IL1RAPL2: variants seen among roughly 807,000 people sequenced by gnomAD.
IL1RAPL2 encodes the protein X-linked interleukin-1 receptor accessory protein-like 2.
A neutral mutation model predicts 44.1 loss-of-function variants in IL1RAPL2; 3 were observed. The observed-to-expected ratio is 0.07, with a 90% CI of 0.03 to 0.18. The LOEUF is 0.18. Ranked by LOEUF, IL1RAPL2 falls within the 10% of genes least tolerant of loss-of-function variation. IL1RAPL2 has a pLI of 1.00. For synonymous variants in IL1RAPL2, 181 were observed against 178.8 expected, an observed-to-expected ratio of 1.01 and a Z score of -0.10; for missense variants, 391 against 496.4, an observed-to-expected ratio of 0.79 and a Z score of 2.02.
At chrX:105,372,706 C>T (rs940388786) in intron 5 of IL1RAPL2, among the ~76,000 whole-genome samples, 8 of 111,404 alleles carry the variant, frequency 7.2e-5, no homozygotes, top group Non-Finnish European at 1.3e-4. Context: ...TATTTAGCTC[C>T]CACTTATAAG....
rs1491419366 is a variant in IL1RAPL2 at position 105,363,308 on chromosome X, A to ATAT, written c.697+95767_697+95768insTAT. Reference sequence around the variant, plus strand: ...ATATATAATATATATATATATATATAATATATATATATATATATATATTCT... The same window carrying ATAT: ...ATATATAATATATATATATATATATATATATATATATATATATATATATATTCT... On this transcript the variant is annotated intron_variant, in intron 5 of 10. Coordinates refer to ENST00000372582, the MANE Select transcript of IL1RAPL2 (RefSeq NM_017416.2). Among the ~76,000 whole-genome samples the ATAT allele has an allele frequency of 8.0e-4, 55 of 68,550 alleles. 1 individual carries two copies. Among genetic ancestry groups the ATAT allele is most frequent in the African/African-American group, 5.1e-3 (40 of 7,818 alleles). 59.5% of individuals were successfully genotyped at this position (68,550 alleles called of 115,157 possible). A position where few individuals can be genotyped will look rare whatever the true frequency, so the allele number is the denominator to read the frequency against.
intron 6 of IL1RAPL2, among the ~76,000 whole-genome samples, chrX:105,521,158 A>G (rs1408839812): frequency 9.9e-6 from 1 of 101,187 alleles, no homozygotes; most frequent in Non-Finnish European, 2.0e-5. Context: ...GTGAACCAGG[A>G]TGGTCACGAT....
intron 5 of IL1RAPL2, among the ~76,000 whole-genome samples, chrX:105,276,570 T>C (rs1445007473): frequency 6.2e-5 from 7 of 112,326 alleles, no homozygotes; most frequent in Non-Finnish European, 1.3e-4. Context: ...CATGTGAGAT[T>C]GAGAATCCAA....
chrX:105,277,286 A>G (rs1266541544), intron 5 of IL1RAPL2, among the ~76,000 whole-genome samples: 1 of 112,423 alleles, frequency 8.9e-6, no homozygotes, highest in Non-Finnish European at 1.9e-5. Context: ...ACAGCAGTCA[A>G]TAGTTCTTGG....
chrX:104,916,476 G>T (rs879150259), intron 2 of IL1RAPL2, among the ~76,000 whole-genome samples: 2 of 111,314 alleles, frequency 1.8e-5, no homozygotes, highest in African/African-American at 6.5e-5. Context: ...GGGCTGAGAC[G>T]ATGGGGTTTT....
chrX:105,103,950 A>G (rs1372605724), intron 2 of IL1RAPL2, among the ~76,000 whole-genome samples: 1 of 112,194 alleles, frequency 8.9e-6, no homozygotes, highest in Non-Finnish European at 1.9e-5. Flanking sequence ...CGCCTGGGTA[A>G]AAGTCTACCC....
chrX:104,849,804 G>A (rs1175892510), intron 2 of IL1RAPL2, among the ~76,000 whole-genome samples: 1 of 110,902 alleles, frequency 9.0e-6, no homozygotes, highest in East Asian at 2.8e-4. Flanking sequence ...CTTAAGTCAT[G>A]TGAACTAAAA....
At chrX:104,919,941 T>C (rs1924584961) in intron 2 of IL1RAPL2, among the ~76,000 whole-genome samples, 1 of 111,007 alleles carries the variant, frequency 9.0e-6, no homozygotes, top group African/African-American at 3.3e-5. Flanking sequence ...CTGTTTTGTG[T>C]GACTTGTATG....
intron 2 of IL1RAPL2, among the ~76,000 whole-genome samples, chrX:104,941,478 T>A (rs899022216): frequency 1.8e-5 from 2 of 112,205 alleles, no homozygotes; most frequent in African/African-American, 6.5e-5. Flanking sequence ...TTTTCATGTG[T>A]CTGTTGGCTG....
At chrX:104,657,047 C>G (rs371745987) in intron 1 of IL1RAPL2, among the ~76,000 whole-genome samples, 3 of 110,857 alleles carry the variant, frequency 2.7e-5, no homozygotes, top group African/African-American at 9.9e-5. Context: ...TCCTCCATCC[C>G]TTTATTTTGA....
intron 2 of IL1RAPL2, among the ~76,000 whole-genome samples, chrX:104,699,048 G>A (rs1313430610): frequency 9.0e-6 from 1 of 110,635 alleles, no homozygotes; most frequent in Non-Finnish European, 1.9e-5. Flanking sequence ...GGGAAGTTGT[G>A]CTCCATGCAG....
At chrX:105,575,715 T>A (rs1402332147) in intron 6 of IL1RAPL2, among the ~76,000 whole-genome samples, 1 of 112,600 alleles carries the variant, frequency 8.9e-6, no homozygotes, top group Non-Finnish European at 1.9e-5. Flanking sequence ...GGTGGAATGG[T>A]AGTTCTATTT....
At chrX:105,447,552 A>AATAT (rs1234228225) in intron 5 of IL1RAPL2, among the ~76,000 whole-genome samples, 5 of 75,755 alleles carry the variant, frequency 6.6e-5, no homozygotes, top group Non-Finnish European at 1.1e-4. Context: ...TATAAATATA[A>AATAT]ATAAATATAA....
At chrX:105,113,532 T>C (rs1685254590) in intron 2 of IL1RAPL2, among the ~76,000 whole-genome samples, 1 of 112,183 alleles carries the variant, frequency 8.9e-6, no homozygotes, top group Admixed American at 9.4e-5. Context: ...AATGAGATTC[T>C]TTATGTTGTC....
intron 2 of IL1RAPL2, among the ~76,000 whole-genome samples, chrX:105,095,529 T>G (rs1440110419): frequency 9.0e-6 from 1 of 111,597 alleles, no homozygotes; most frequent in East Asian, 2.8e-4. Context: ...GAATTGAGAG[T>G]GCAGAAATAA....
intron 3 of IL1RAPL2, among the ~76,000 whole-genome samples, chrX:105,200,296 T>A: frequency 8.9e-6 from 1 of 112,229 alleles, no homozygotes; most frequent in Non-Finnish European, 1.9e-5. Flanking sequence ...GACCTTTCAG[T>A]GGCCACTTGG....
At chrX:105,437,568 T>C (rs972572423) in intron 5 of IL1RAPL2, among the ~76,000 whole-genome samples, 12 of 111,712 alleles carry the variant, frequency 1.1e-4, no homozygotes, top group Non-Finnish European at 2.3e-4. Context: ...CCTAATTGTA[T>C]TTATTTTTTT....
chrX:105,239,162 C>G (rs2034147687), intron 4 of IL1RAPL2, among the ~76,000 whole-genome samples: 1 of 111,982 alleles, frequency 8.9e-6, no homozygotes, highest in African/African-American at 3.2e-5. Flanking sequence ...TATTTCTCCA[C>G]AGGCCACAAG....
chrX:104,777,699 C>T (rs1354325389), intron 2 of IL1RAPL2, among the ~76,000 whole-genome samples: 1 of 109,191 alleles, frequency 9.2e-6, no homozygotes, highest in African/African-American at 3.3e-5. Context: ...GCCTCAGCCT[C>T]CTGAGTAGCT....
Sources: gnomAD v4.1 joint callset for allele counts (sites outside exome capture counted in the v4.1 genomes callset) on GRCh38, gnomAD v4.1.1 for gene constraint, MANE v1.5 for transcripts, NCBI Gene and HGNC (gene_info 2026-07-23, HGNC 2026-07-21) for gene names.